Variants in DNAH14 observed in about 807,000 individuals in gnomAD.
DNAH14 encodes the protein axonemal beta dynein heavy chain 14.
In DNAH14, 478 loss-of-function variants were observed where a neutral mutation model predicts 520.9. The ratio of observed to expected loss-of-function variants is 0.92; its 90% confidence interval spans 0.85 to 0.99. DNAH14 has a LOEUF of 0.99. DNAH14 is among the 50% of genes least tolerant of loss of function. DNAH14 has a pLI of 0.00. For missense variants in DNAH14, 4,831 were observed against 5,234.5 expected (o/e 0.92, Z 2.38); for synonymous variants, 1,581 against 1,757.2 (o/e 0.90, Z 2.51).
In DNAH14 at chr1:224,967,528, A is replaced by G. The variant is rs1233584958; in HGVS notation, c.596A>G (p.His199Arg). 2 of 1,604,930 alleles carry G rather than the reference A, an allele frequency of 1.2e-6. No individual in the cohort carries two copies. The highest frequency in any genetic ancestry group is 2.7e-5 in the African/African-American group (2 of 74,400). ...NPYDLQVVSA[H>R]TAKHCKEFWV... ...TATGATCTTCAGGTAGTATCGGCTC[A>G]TACTGCTAAACATTGCAAAGAATTT... The change falls in exon 6 of 86, where the codon CAT (histidine) becomes CGT (arginine). Residue 199 changes from histidine (H) to arginine (R), a missense_variant. Transcript: ENST00000682510.
chr1:225,091,800 C>T (rs532882952), intron 21 of DNAH14, among the ~76,000 whole-genome samples: 1 of 151,946 alleles, frequency 6.6e-6, no homozygotes, highest in East Asian at 1.9e-4. Flanking sequence ...ATAAATAAGA[C>T]CCAATAACAT....
At chr1:225,351,484 T>C (rs1429556441) in intron 71 of DNAH14, among the ~76,000 whole-genome samples, 163 bp from the exon 72 acceptor site, 1 of 152,152 alleles carries the variant, frequency 6.6e-6, no homozygotes, top group African/African-American at 2.4e-5. Context: ...TTATATAAAG[T>C]AGCTTTTTAT....
intron 41 of DNAH14, among the ~76,000 whole-genome samples, chr1:225,208,517 G>A (rs2087904492): frequency 6.6e-6 from 1 of 152,170 alleles, no homozygotes; most frequent in African/African-American, 2.4e-5. Flanking sequence ...AGAAATATGT[G>A]TATATAGTTG....
At chr1:224,957,752 A>G (rs2060603025) in intron 3 of DNAH14, among the ~76,000 whole-genome samples, 1 of 152,218 alleles carries the variant, frequency 6.6e-6, no homozygotes, top group East Asian at 1.9e-4. Flanking sequence ...AGAATATGGG[A>G]CGTGAGTGCT....
chr1:224,952,927 C>A (rs1248408072), intron 2 of DNAH14, 148 bp downstream of exon 2: 3 of 520,514 alleles, frequency 5.8e-6, no homozygotes, highest in Non-Finnish European at 9.3e-6. Context: ...ACCTTAGTTT[C>A]TCAGGGAGTG....
chr1:224,997,623 A>G (rs2063482530), intron 8 of DNAH14, among the ~76,000 whole-genome samples: 1 of 152,088 alleles, frequency 6.6e-6, no homozygotes, highest in Non-Finnish European at 1.5e-5. Context: ...TACTGATATC[A>G]GTCTGTGTTA....
In DNAH14 at chr1:225,005,357, A is replaced by T. The variant is rs376245667; in HGVS notation, c.976-2056A>T. Among the ~76,000 whole-genome samples, 10 of 152,312 alleles carry T rather than the reference A, an allele frequency of 6.6e-5. No homozygotes were observed. In the East Asian group the frequency reaches 1.5e-3, roughly 23 times the overall value. On this transcript the variant is annotated intron_variant, in intron 9 of 85. Coordinates refer to ENST00000682510, the MANE Select transcript of DNAH14 (RefSeq NM_001367479.1). ...TTAGGCAGGATAAATTTTGAGAACT[A>T]CTTTTAAAGAACAACTATTCAAAGT...
intron 77 of DNAH14, 39 bp from the exon 78 acceptor site, chr1:225,374,649 C>T: frequency 6.8e-7 from 1 of 1,472,018 alleles, no homozygotes; most frequent in Non-Finnish European, 9.1e-7. Context: ...AAGCTGGAAA[C>T]ACATACTGAA....
intron 12 of DNAH14, among the ~76,000 whole-genome samples, chr1:225,041,596 AT>A (rs1157707500): frequency 6.6e-6 from 1 of 151,866 alleles, no homozygotes; most frequent in Non-Finnish European, 1.5e-5. Context: ...AAGCTTTCAG[AT>A]TTTTTTTGTA....
intron 17 of DNAH14, among the ~76,000 whole-genome samples, chr1:225,053,288 A>T (rs1363296906): frequency 1.3e-5 from 2 of 152,138 alleles, no homozygotes; most frequent in Non-Finnish European, 2.9e-5. Flanking sequence ...GTCAAAAGAG[A>T]ACAAGGCATA....
At chr1:225,113,248 T>C (rs2076615256) in intron 23 of DNAH14, among the ~76,000 whole-genome samples, 1 of 152,212 alleles carries the variant, frequency 6.6e-6, no homozygotes, top group African/African-American at 2.4e-5. Context: ...GGTACCACCT[T>C]GGTGGCCTTG....
At chr1:224,940,334 C>T (rs74149420) in intron 1 of DNAH14, among the ~76,000 whole-genome samples, 2 of 152,030 alleles carry the variant, frequency 1.3e-5, no homozygotes, top group Admixed American at 6.6e-5. Context: ...AAGACCAGCC[C>T]AGATTTAAAA....
chr1:225,083,573 T>G (rs765227868), intron 20 of DNAH14, among the ~76,000 whole-genome samples: 5 of 152,170 alleles, frequency 3.3e-5, no homozygotes, highest in Non-Finnish European at 7.4e-5. Flanking sequence ...TCACCTTTCA[T>G]TCTCCATCTC....
chr1:225,219,903 C>T (rs2089869086), intron 41 of DNAH14, among the ~76,000 whole-genome samples: 1 of 152,116 alleles, frequency 6.6e-6, no homozygotes, highest in South Asian at 2.1e-4. Flanking sequence ...ATGTGAAAAT[C>T]CTCAATAAAA....
intron 48 of DNAH14, among the ~76,000 whole-genome samples, chr1:225,265,845 C>A (rs1248065211): frequency 6.6e-6 from 1 of 151,964 alleles, no homozygotes; most frequent in Non-Finnish European, 1.5e-5. Flanking sequence ...GGAACCTAAT[C>A]ATACCAATAG....
intron 41 of DNAH14, among the ~76,000 whole-genome samples, chr1:225,210,644 T>G (rs1344962505): frequency 6.6e-6 from 1 of 152,168 alleles, no homozygotes; most frequent in Non-Finnish European, 1.5e-5. Flanking sequence ...AGCACAGTGC[T>G]CGAGCTCTGC....
At chr1:225,261,940 A>G (rs1291656975) in intron 46 of DNAH14, among the ~76,000 whole-genome samples, 2 of 152,106 alleles carry the variant, frequency 1.3e-5, no homozygotes, top group Non-Finnish European at 1.5e-5. Flanking sequence ...AAAGTGCCCA[A>G]TCTTGTCTAA....
rs1457984916 is a variant in DNAH14 at position 225,185,390 on chromosome 1, T to G, written c.5635T>G (p.Phe1879Val). 6.5e-7 allele frequency: 1 copy of G among 1,539,204 alleles called. No homozygotes were observed. The highest frequency in any genetic ancestry group is 1.2e-5 in the South Asian group (1 of 81,060). Residue 1879 changes from phenylalanine (F) to valine (V), a missense_variant, in exon 37 of 86, where the codon TTC becomes GTC. Coordinates refer to ENST00000682510, the MANE Select transcript of DNAH14 (RefSeq NM_001367479.1). ...KALTLLPIAD[F>V]LSVAERKSAS... ...ATTAACGCTATTACCAATTGCAGAC[T>G]TCTTATCAGTTGCAGAAAGAAAATC...
intron 84 of DNAH14, among the ~76,000 whole-genome samples, chr1:225,392,865 A>G (rs1381466547): frequency 6.6e-6 from 1 of 152,114 alleles, no homozygotes; most frequent in Non-Finnish European, 1.5e-5. Context: ...GTGGAAACCT[A>G]CACCTACCCA....
Sources: allele counts gnomAD v4.1 joint callset (sites outside exome capture counted in the v4.1 genomes callset), GRCh38; gene constraint gnomAD v4.1.1; transcripts MANE v1.5; gene names NCBI Gene and HGNC (gene_info 2026-07-23, HGNC 2026-07-21).